CACNA1C: variants seen among roughly 807,000 people sequenced by gnomAD.
The protein encoded by CACNA1C is calcium voltage-gated channel subunit alpha1 C.
CACNA1C carries 30 observed loss-of-function variants against 229.0 expected under a neutral mutation model. The observed-to-expected ratio is 0.13, with a 90% CI of 0.10 to 0.18. The LOEUF is 0.18. Among genes scored for constraint, CACNA1C ranks in the 10% least tolerant of loss-of-function variants. CACNA1C has a pLI of 1.00. For synonymous variants in CACNA1C, 1,114 were observed against 1,132.5 expected (o/e 0.98, Z 0.33); for missense variants, 1,658 against 2,845.0 (o/e 0.58, Z 9.49).
chr12:2,290,898 G>T (rs796440411), intron 3 of CACNA1C, among the ~76,000 whole-genome samples: 1 of 152,208 alleles, frequency 6.6e-6, no homozygotes, highest in Non-Finnish European at 1.5e-5. Flanking sequence ...TGTCTGGACT[G>T]CTCTAAAATA....
chr12:2,449,955 G>T (rs2099345562), intron 4 of CACNA1C, among the ~76,000 whole-genome samples: 1 of 152,128 alleles, frequency 6.6e-6, no homozygotes, highest in Non-Finnish European at 1.5e-5. Context: ...AGGGGGCCTG[G>T]TTCTGTGGCC....
chr12:2,476,230 C>T (rs1194969269), intron 5 of CACNA1C, among the ~76,000 whole-genome samples: 56 of 152,194 alleles, frequency 3.7e-4, no homozygotes, highest in Non-Finnish European at 4.4e-5. Context: ...CCATCTGGAC[C>T]AGAGGGAAGG....
In CACNA1C at chr12:2,697,255, G is replaced by C. The variant is rs747241942; in HGVS notation, c.*6056G>C. The C allele has an allele frequency of 2.0e-5, 3 of 152,166 alleles. No individual in the cohort carries two copies. The highest frequency in any genetic ancestry group is 4.4e-5 in the Non-Finnish European group (3 of 68,048). 9.4% of individuals were successfully genotyped at this position (152,166 alleles called of 1,614,324 possible). On this transcript the variant is annotated 3_prime_UTR_variant, in exon 47 of 47. Coordinates refer to ENST00000399655, the MANE Select transcript of CACNA1C (RefSeq NM_000719.7). ...TCCTGTCCTGGCCAGAATGCATGCT[G>C]TTCCCCCAAGCCTCGTGGGAGTGAG... is the stretch of plus-strand genomic sequence containing the variant.
intron 18 of CACNA1C, among the ~76,000 whole-genome samples, chr12:2,591,216 T>C (rs1009947781): frequency 6.7e-6 from 1 of 150,190 alleles, no homozygotes; most frequent in African/African-American, 2.5e-5. Flanking sequence ...GTGCCAGGCA[T>C]TTTTTTTTTC....
At chr12:1,979,435 C>T (rs574594407) in intron 1 of CACNA1C, among the ~76,000 whole-genome samples, 4 of 152,156 alleles carry the variant, frequency 2.6e-5, no homozygotes, top group African/African-American at 7.2e-5. Context: ...CCTTGGCCTC[C>T]CCAGTAGCTG....
Position 2,287,419 on chromosome 12 carries a change from G to A in CACNA1C, c.478-161557G>A, listed in dbSNP as rs1051180130. ...GGAATGAGAATGAACGTGGCTGCTC[G>A]TGTGTTCCGTGGCTGTTTAGGAAGG... On this transcript the variant is annotated intron_variant, in intron 3 of 46. Coordinates refer to ENST00000399655, the MANE Select transcript of CACNA1C (RefSeq NM_000719.7). This position sits in a 1 kb window ranked among gnomAD's most constrained non-coding sequence, Gnocchi z 4.6. 1.3e-5 allele frequency among the ~76,000 whole-genome samples: 2 copies of A among 152,184 alleles called. No individual in the cohort carries two copies. Among genetic ancestry groups the A allele is most frequent in the Non-Finnish European group, 2.9e-5 (2 of 68,028 alleles).
rs568224795 is a variant in CACNA1C, at chr12:2,444,318, A to T, written c.478-4658A>T. ...TTTTTCAGGTGAGGAGGTTAATTAG[A>T]TAACCTTTAAGTTTCTTTCTCTCCC... On this transcript the variant is annotated intron_variant, in intron 3 of 46. Transcript: ENST00000399655. Among the ~76,000 whole-genome samples the T allele has an allele frequency of 2.0e-5, 3 of 152,296 alleles. No individual in the cohort carries two copies. In the South Asian group the frequency reaches 6.2e-4, roughly 32 times the overall value.
chr12:2,638,709 G>A (rs1394061759), intron 30 of CACNA1C, among the ~76,000 whole-genome samples: 2 of 152,322 alleles, frequency 1.3e-5, no homozygotes, highest in Non-Finnish European at 2.9e-5. Context: ...AGTGTTTCCT[G>A]ACAGACTGCA....
At chr12:2,535,532 C>A (rs58159500) in intron 9 of CACNA1C, among the ~76,000 whole-genome samples, 1 of 133,450 alleles carries the variant, frequency 7.5e-6, no homozygotes. Context: ...AACCCCATCT[C>A]TATTAAAAAA....
At chr12:2,418,148 G>A (rs10744562) in intron 3 of CACNA1C, among the ~76,000 whole-genome samples, 151,925 of 152,256 alleles carry the variant, frequency 1, 75,798 homozygotes, top group Middle Eastern at 1. Flanking sequence ...AGACAGATAG[G>A]CAGAACCCTA....
chr12:2,001,704 T>C (rs1429468464), intron 1 of CACNA1C, among the ~76,000 whole-genome samples: 1 of 152,188 alleles, frequency 6.6e-6, no homozygotes, highest in Non-Finnish European at 1.5e-5. Context: ...TAGTTTGGCA[T>C]TTTTCACTTT....
intron 3 of CACNA1C, among the ~76,000 whole-genome samples, chr12:2,326,185 G>C (rs113401934): frequency 6.6e-6 from 1 of 152,294 alleles, no homozygotes; most frequent in South Asian, 2.1e-4. Context: ...AGGAGAGAGA[G>C]AGCAGAGAAA....
intron 16 of CACNA1C, 107 bp downstream of exon 16, chr12:2,584,724 C>T: frequency 1.3e-6 from 1 of 750,732 alleles, no homozygotes; most frequent in Non-Finnish European, 2.2e-6. Context: ...GTTGGCTCTC[C>T]CTCCTAGGAG....
At chr12:2,521,932 C>T (rs1035146475) in intron 9 of CACNA1C, among the ~76,000 whole-genome samples, 1 of 152,230 alleles carries the variant, frequency 6.6e-6, no homozygotes, top group African/African-American at 2.4e-5. Flanking sequence ...CTCAGTATTT[C>T]AGGCATCTCC....
At chr12:2,146,789 A>G (rs1049634973) in intron 3 of CACNA1C, among the ~76,000 whole-genome samples, 1 of 151,196 alleles carries the variant, frequency 6.6e-6, no homozygotes, top group Non-Finnish European at 1.5e-5. Context: ...TCTTTTCTGC[A>G]GAATGGGTTT....
In CACNA1C at chr12:2,281,220, C is replaced by G. The variant is rs138203592; in HGVS notation, c.477+160790C>G. On this transcript the variant is annotated intron_variant, in intron 3 of 46. Coordinates refer to ENST00000399655, the MANE Select transcript of CACNA1C (RefSeq NM_000719.7). ...CACAATAGCACACTTAGATCACTCC[C>G]TTCCTGGCCTTTATGCCGTTGCTGC... 1.2e-4 allele frequency among the ~76,000 whole-genome samples: 18 copies of G among 151,864 alleles called. No homozygotes were observed. The East Asian group carries it at 3.5e-3, about 30-fold the overall frequency.
chr12:2,219,224 A>C (rs1390621802), intron 3 of CACNA1C, among the ~76,000 whole-genome samples: 4 of 152,222 alleles, frequency 2.6e-5, no homozygotes, highest in Non-Finnish European at 5.9e-5. Context: ...CTAACTGGCC[A>C]TGCAGGGATT....
At chr12:2,408,041 G>A (rs1055708967) in intron 3 of CACNA1C, among the ~76,000 whole-genome samples, 5 of 152,210 alleles carry the variant, frequency 3.3e-5, no homozygotes, top group South Asian at 4.1e-4. Context: ...CTCTTTTGCC[G>A]GGGTGGCATC....
intron 3 of CACNA1C, among the ~76,000 whole-genome samples, chr12:2,409,415 T>G (rs2098780178): frequency 6.6e-6 from 1 of 152,126 alleles, no homozygotes; most frequent in African/African-American, 2.4e-5. Context: ...TCTGATAAAG[T>G]CAAGAGCACC....
Sources: gnomAD v4.1 joint callset for allele counts (sites outside exome capture counted in the v4.1 genomes callset) on GRCh38, gnomAD v4.1.1 for gene constraint, Gnocchi (gnomAD v3.1) non-coding constraint, MANE v1.5 for transcripts, NCBI Gene and HGNC (gene_info 2026-07-23, HGNC 2026-07-21) for gene names.